DGLUCY: variants seen among roughly 807,000 people sequenced by gnomAD.
The protein encoded by DGLUCY is D-glutamate cyclase, mitochondrial.
A neutral mutation model predicts 58.5 loss-of-function variants in DGLUCY; 58 were observed. That is an observed-to-expected ratio of 0.99 (90% CI 0.80 to 1.23). The LOEUF (loss-of-function observed/expected upper bound fraction) is 1.23, where lower values mean the gene tolerates loss of function less well. DGLUCY is among the 50% of genes most tolerant of loss of function. The probability of loss-of-function intolerance (pLI) is 0.00; values close to 1 mark genes in which losing one functional copy is unlikely to be tolerated. For synonymous variants in DGLUCY, 325 were observed against 314.1 expected, an observed-to-expected ratio of 1.03 and a Z score of -0.37; for missense variants, 779 against 784.7, an observed-to-expected ratio of 0.99 and a Z score of 0.09.
Position 91,102,761 on chromosome 14 carries a change from G to GTGTA in DGLUCY, c.-82+42060_-82+42061insATGT, listed in dbSNP as rs1226345978. Among the ~76,000 whole-genome samples, 358 of 150,738 alleles carry GTGTA rather than the reference G, an allele frequency of 2.4e-3. 2 individuals are homozygous for GTGTA. Among genetic ancestry groups the GTGTA allele is most frequent in the African/African-American group, 8.1e-3 (335 of 41,148 alleles). On this transcript the variant is annotated intron_variant, in intron 1 of 4. Coordinates refer to the DGLUCY transcript ENST00000521334. ...AGTGTGTATGTGTGTGTGTGTGTGT[G>GTGTA]TGTGTGTGTGTGTGTGTGTGTGTGT...
At chr14:91,133,619 C>T (rs1051509289) in intron 1 of DGLUCY, among the ~76,000 whole-genome samples, 72 of 152,170 alleles carry the variant, frequency 4.7e-4, no homozygotes, top group African/African-American at 1.7e-3. Flanking sequence ...ATACTCCTGG[C>T]CTCAAGCAAT....
intron 7 of DGLUCY, among the ~76,000 whole-genome samples, chr14:91,176,825 C>T (rs1444203459): frequency 2.8e-4 from 42 of 152,198 alleles, no homozygotes; most frequent in Non-Finnish European, 1.5e-5. Context: ...TGGTCTTGAA[C>T]TCCTGGCCTC....
At chr14:91,158,320 C>T (rs900976161) in intron 2 of DGLUCY, among the ~76,000 whole-genome samples, 10 of 152,188 alleles carry the variant, frequency 6.6e-5, no homozygotes, top group African/African-American at 2.4e-4. Context: ...CCTCCCAGCA[C>T]CCCCTCCCAC....
intron 12 of DGLUCY, 32 bp downstream of exon 12, chr14:91,204,857 G>C (rs780594292): frequency 3.7e-6 from 6 of 1,613,088 alleles, no homozygotes; most frequent in Non-Finnish European, 4.2e-6. Context: ...CAGTCCGGCC[G>C]GCTACCCAGG....
chr14:91,071,301 C>T (rs2043912253), intron 1 of DGLUCY, among the ~76,000 whole-genome samples: 1 of 143,710 alleles, frequency 7.0e-6, no homozygotes, highest in Non-Finnish European at 1.5e-5. Context: ...TGCACCACTG[C>T]ACTCCATCCT....
upstream of DGLUCY, among the ~76,000 whole-genome samples, chr14:91,105,428 T>C (rs2044572231): frequency 1.3e-5 from 2 of 152,204 alleles, no homozygotes; most frequent in African/African-American, 4.8e-5. Context: ...TTCTATTTCA[T>C]TGAAATGACA....
At chr14:91,213,206 G>T (rs61990155) in intron 12 of DGLUCY, among the ~76,000 whole-genome samples, 33,227 of 152,086 alleles carry the variant, frequency 0.22, 3,931 homozygotes, top group African/African-American at 0.26. Flanking sequence ...AGGCCAAGAC[G>T]GGTTGGTCGT....
intron 1 of DGLUCY, among the ~76,000 whole-genome samples, chr14:91,065,892 C>T (rs896030112): frequency 1.3e-5 from 2 of 152,056 alleles, no homozygotes; most frequent in Non-Finnish European, 2.9e-5. Context: ...GGACTATGGC[C>T]TGGAGGATGC....
intron 1 of DGLUCY, among the ~76,000 whole-genome samples, chr14:91,085,921 A>C (rs946406359): frequency 3.9e-5 from 6 of 152,090 alleles, no homozygotes; most frequent in African/African-American, 1.4e-4. Context: ...ATGTACCAGT[A>C]CTGGTACCAG....
At chr14:91,198,447 C>T (rs952748499) in intron 10 of DGLUCY, among the ~76,000 whole-genome samples, 44 of 149,578 alleles carry the variant, frequency 2.9e-4, no homozygotes, top group African/African-American at 1.1e-3. Context: ...TGGGCCCAGG[C>T]GATTCTCCCA....
chr14:91,159,244 T>G (rs1391119702), intron 2 of DGLUCY, among the ~76,000 whole-genome samples: 2 of 152,058 alleles, frequency 1.3e-5, no homozygotes, highest in Non-Finnish European at 2.9e-5. Context: ...GCCAAGAGTT[T>G]GAGACCAGCC....
intron 1 of DGLUCY, among the ~76,000 whole-genome samples, chr14:91,081,500 T>G (rs1566933631): frequency 6.6e-6 from 1 of 152,216 alleles, no homozygotes. Flanking sequence ...TGCAAATAAA[T>G]TACTACAAGT....
chr14:91,150,660 A>AAT (rs1457402177), intron 1 of DGLUCY, among the ~76,000 whole-genome samples: 1 of 152,052 alleles, frequency 6.6e-6, no homozygotes, highest in Non-Finnish European at 1.5e-5. Context: ...TCCTGGACTC[A>AAT]AGGGATCCTA....
chr14:91,165,362 T>C (rs2048219581), intron 3 of DGLUCY: 2 of 434,366 alleles, frequency 4.6e-6, no homozygotes, highest in African/African-American at 2.0e-5. Flanking sequence ...TGCCATCTTA[T>C]AGATGGGGAA....
chr14:91,130,456 A>G (rs1439050346), intron 1 of DGLUCY, among the ~76,000 whole-genome samples: 4 of 151,406 alleles, frequency 2.6e-5, no homozygotes, highest in Non-Finnish European at 4.4e-5. Context: ...TACAGGCACA[A>G]GCCGCCATGC....
chr14:91,075,552 C>T (rs1398845762), intron 1 of DGLUCY, among the ~76,000 whole-genome samples: 1 of 152,164 alleles, frequency 6.6e-6, no homozygotes, highest in Non-Finnish European at 1.5e-5. Flanking sequence ...TTTGGGTTCT[C>T]TTCCTCAAAA....
At chr14:91,212,977 G>A (rs1008883539) in intron 12 of DGLUCY, among the ~76,000 whole-genome samples, 1 of 150,652 alleles carries the variant, frequency 6.6e-6, no homozygotes, top group Non-Finnish European at 1.5e-5. Flanking sequence ...CTCCAGCCCG[G>A]GTGACAGAGT....
chr14:91,094,807 G>C (rs1207983228), intron 1 of DGLUCY, among the ~76,000 whole-genome samples: 1 of 150,278 alleles, frequency 6.7e-6, no homozygotes, highest in Non-Finnish European at 1.5e-5. Flanking sequence ...TGGGTGACAA[G>C]AGCAAAACTC....
chr14:91,188,826 C>A, intron 8 of DGLUCY, 84 bp from the exon 9 acceptor site: 1 of 1,420,590 alleles, frequency 7.0e-7, no homozygotes, highest in Non-Finnish European at 9.4e-7. Flanking sequence ...AAAACCCTAT[C>A]ATAAGTAAAT....
Sources: allele counts gnomAD v4.1 joint callset (sites outside exome capture counted in the v4.1 genomes callset), GRCh38; gene constraint gnomAD v4.1.1; transcripts MANE v1.5; gene names NCBI Gene and HGNC (gene_info 2026-07-23, HGNC 2026-07-21).